The following CACNA2D4 variants were observed in gnomAD, a reference collection of about 807,000 sequenced individuals.
The protein encoded by CACNA2D4 is calcium voltage-gated channel auxiliary subunit alpha2delta 4, also known as voltage-dependent calcium channel subunit alpha-2/delta-4.
In CACNA2D4, 157 loss-of-function variants were observed where a neutral mutation model predicts 163.8. The ratio of observed to expected loss-of-function variants is 0.96; its 90% CI spans 0.84 to 1.09. CACNA2D4 has a LOEUF of 1.09. CACNA2D4 is among the 50% of genes least tolerant of loss of function. The pLI, the probability that CACNA2D4 is intolerant of heterozygous loss-of-function variation, is 0.00. For missense variants in CACNA2D4, 1,410 were observed against 1,479.9 expected, an observed-to-expected ratio of 0.95 and a Z score of 0.78; for synonymous variants, 598 against 586.9, an observed-to-expected ratio of 1.02 and a Z score of -0.27.
intron 6 of CACNA2D4, among the ~76,000 whole-genome samples, chr12:1,891,857 G>A (rs1243988822): frequency 6.6e-6 from 1 of 151,886 alleles, no homozygotes; most frequent in Admixed American, 6.6e-5. Flanking sequence ...TCGAAGACAG[G>A]TCTTTTGAAA....
chr12:1,903,165 A>G (rs555471320), intron 6 of CACNA2D4, among the ~76,000 whole-genome samples: 1 of 152,104 alleles, frequency 6.6e-6, no homozygotes, highest in African/African-American at 2.4e-5. Context: ...TATTCATATG[A>G]AAAAGAATGA....
At chr12:1,870,465 C>T (rs558012181) in intron 18 of CACNA2D4, among the ~76,000 whole-genome samples, 3 of 151,652 alleles carry the variant, frequency 2.0e-5, no homozygotes, top group African/African-American at 7.3e-5. Flanking sequence ...AACCTTGCAG[C>T]CTTCTGCTTG....
intron 26 of CACNA2D4, among the ~76,000 whole-genome samples, chr12:1,821,780 C>T (rs1335914615): frequency 6.6e-6 from 1 of 152,146 alleles, no homozygotes; most frequent in Non-Finnish European, 1.5e-5. Context: ...GTTCACATTC[C>T]TGCACCTCCC....
chr12:1,894,556 T>C (rs1425613034), intron 6 of CACNA2D4, among the ~76,000 whole-genome samples: 2 of 152,166 alleles, frequency 1.3e-5, no homozygotes, highest in Non-Finnish European at 2.9e-5. Context: ...CAAGTGGGAT[T>C]TATACTAGGG....
chr12:1,856,173 TC>T lies in CACNA2D4; in HGVS notation c.2054+10del. 1 of 1,613,964 alleles carries T rather than the reference TC, an allele frequency of 6.2e-7. No individual in the cohort carries two copies. Among genetic ancestry groups the T allele is most frequent in the East Asian group, 2.2e-5 (1 of 44,882 alleles). On this transcript the variant is annotated intron_variant, in intron 21 of 37. Coordinates refer to ENST00000382722, the MANE Select transcript of CACNA2D4 (RefSeq NM_172364.5). ...CACCTGTCTCCCTCCCATTTTTTAC[TC>T]CTCACTTACCAGTCACCGGCCAGGG...
chr12:1,839,931 C>T lies in CACNA2D4; in HGVS notation c.2551+808G>A, dbSNP rs182011258. ...GCTAGTTGGGTTGCTTTGAGCCAAACGTTCTGAGCCTATGGTCCTCATTTA... is the reference window on the plus strand; with the variant it reads ...GCTAGTTGGGTTGCTTTGAGCCAAATGTTCTGAGCCTATGGTCCTCATTTA... On this transcript the variant is annotated intron_variant, in intron 26 of 37. Coordinates refer to ENST00000382722, the MANE Select transcript of CACNA2D4 (RefSeq NM_172364.5). Among the ~76,000 whole-genome samples the T allele has an allele frequency of 1.9e-4, 29 of 152,312 alleles. No individual in the cohort carries two copies. The East Asian group carries it at 1.9e-3, about 10-fold the overall frequency.
chr12:1,853,950 C>T lies in CACNA2D4; in HGVS notation c.2246+1G>A, dbSNP rs754511401. The T allele has an allele frequency of 6.2e-7, 1 of 1,612,276 alleles. No individual in the cohort carries two copies. The highest frequency in any genetic ancestry group is 8.5e-7 in the Non-Finnish European group (1 of 1,178,830). ...CTGGGAACCTGGGAACCTGGACCTACTCGGACATGTTGAGGGCCAGCGCTG... is the reference window on the plus strand; with the variant it reads ...CTGGGAACCTGGGAACCTGGACCTATTCGGACATGTTGAGGGCCAGCGCTG... On this transcript the variant is annotated splice_donor_variant, in intron 23 of 37. Coordinates refer to ENST00000382722, the MANE Select transcript of CACNA2D4 (RefSeq NM_172364.5). LOFTEE classifies it high-confidence loss of function.
intron 20 of CACNA2D4, among the ~76,000 whole-genome samples, chr12:1,858,207 T>A (rs539658493): frequency 1.3e-5 from 2 of 152,334 alleles, no homozygotes; most frequent in Admixed American, 1.3e-4. Context: ...GCTTCCCTCC[T>A]CTTTCTGGCC....
At chr12:1,891,580 C>T (rs140655370) in intron 6 of CACNA2D4, among the ~76,000 whole-genome samples, 6 of 151,314 alleles carry the variant, frequency 4.0e-5, no homozygotes, top group African/African-American at 1.5e-4. Context: ...GCAACAGATT[C>T]CAATAAAAAA....
intron 4 of CACNA2D4, among the ~76,000 whole-genome samples, chr12:1,908,410 G>A (rs78723906): frequency 0.079 from 12,061 of 152,224 alleles, 588 homozygotes; most frequent in Non-Finnish European, 0.099. Context: ...GGCCAGGAAG[G>A]TCCCAGAGCC....
At position 1,875,153 on chromosome 12, in the gene CACNA2D4, G is replaced by T; in HGVS notation, c.1806+98C>A. 1.2e-6 allele frequency: 1 copy of T among 845,312 alleles called. No individual in the cohort carries two copies. The highest frequency in any genetic ancestry group is 2.0e-6 in the Non-Finnish European group (1 of 491,900). The allele number at this position is 845,312 out of a possible 1,614,324, so 52.4% of individuals were successfully genotyped here. A position where few individuals can be genotyped will look rare whatever the true frequency, so the allele number is the denominator to read the frequency against. ...TGGGATGAACCTGTTCTGCCTGACA[G>T]GAACAGAGTGACCTCAAAGCTCACA... On this transcript the variant is annotated intron_variant, in intron 17 of 37. Coordinates refer to ENST00000382722, the MANE Select transcript of CACNA2D4 (RefSeq NM_172364.5). The surrounding 1 kb of genome is among the most constrained non-coding windows in gnomAD (Gnocchi z 4.0).
intron 27 of CACNA2D4, 149 bp downstream of exon 27, chr12:1,811,513 G>A (rs999597025): frequency 3.7e-6 from 3 of 807,648 alleles, no homozygotes; most frequent in East Asian, 2.7e-5. Context: ...CTGCAGGCTG[G>A]GGAGCTGAGG....
chr12:1,901,324 A>G (rs894027829), intron 6 of CACNA2D4, among the ~76,000 whole-genome samples: 1 of 152,122 alleles, frequency 6.6e-6, no homozygotes. Flanking sequence ...AAAAGTTAGT[A>G]GAAGAAAAGA....
In CACNA2D4 at chr12:1,854,071, G is replaced by A. The variant is rs755728871; in HGVS notation, c.2153-27C>T. Reference sequence around the variant, plus strand: ...TGGGTGCAAAACATCAGGGAACCAGGCCACATGCTTCCTCCATGCTCATGA... The same window carrying A: ...TGGGTGCAAAACATCAGGGAACCAGACCACATGCTTCCTCCATGCTCATGA... On this transcript the variant is annotated intron_variant, in intron 22 of 37. Transcript: ENST00000382722. 38 of 1,546,496 alleles carry A rather than the reference G, an allele frequency of 2.5e-5. No individual in the cohort carries two copies. In the Admixed American group the frequency reaches 4.4e-4, roughly 18 times the overall value.
intron 26 of CACNA2D4, among the ~76,000 whole-genome samples, chr12:1,830,373 GT>G (rs1165095650): frequency 2.6e-5 from 4 of 152,232 alleles, no homozygotes; most frequent in African/African-American, 9.7e-5. Context: ...AGGGCTAGGA[GT>G]GCTGTTTTGT....
Position 1,880,554 on chromosome 12 carries a change from G to A in CACNA2D4, c.1486-673C>T, listed in dbSNP as rs78061729. The stretch of plus-strand genomic sequence containing the variant: ...GCCACTTGAAAGGGGCTCTGCATGT[G>A]TGCCCCACTTTATAACAAAAGTAGG... On this transcript the variant is annotated intron_variant, in intron 13 of 37. Coordinates refer to ENST00000382722, the MANE Select transcript of CACNA2D4 (RefSeq NM_172364.5). 3.8e-3 allele frequency among the ~76,000 whole-genome samples: 582 copies of A among 152,372 alleles called. 1 individual carries two copies. The highest frequency in any genetic ancestry group is 6.7e-3 in the Non-Finnish European group (455 of 68,036).
chr12:1,905,051 G>C lies in CACNA2D4; in HGVS notation c.781+2389C>G, dbSNP rs532003539. On this transcript the variant is annotated intron_variant, in intron 6 of 37. Transcript: ENST00000382722. ...AATAGGACTTATTCCTGGAATGCAA[G>C]GATGGTTCAACATATGAAAATTGAT... Among the ~76,000 whole-genome samples, 5 of 152,112 alleles carry C rather than the reference G, an allele frequency of 3.3e-5. No individual in the cohort carries two copies. In the South Asian group the frequency reaches 1.0e-3, roughly 32 times the overall value.
At chr12:1,803,429 G>A (rs186955628) in intron 29 of CACNA2D4, among the ~76,000 whole-genome samples, 14 of 152,292 alleles carry the variant, frequency 9.2e-5, no homozygotes, top group African/African-American at 2.9e-4. Flanking sequence ...CCCCAGATGC[G>A]CCCACACCAG....
At chr12:1,888,918 G>A (rs1866215569) in intron 6 of CACNA2D4, among the ~76,000 whole-genome samples, 1 of 152,142 alleles carries the variant, frequency 6.6e-6, no homozygotes, top group South Asian at 2.1e-4. Flanking sequence ...TCCACATATA[G>A]ACACATAGTA....
Sources: allele counts gnomAD v4.1 joint callset (sites outside exome capture counted in the v4.1 genomes callset), GRCh38; gene constraint gnomAD v4.1.1; non-coding constraint Gnocchi (gnomAD v3.1); transcripts MANE v1.5; gene names NCBI Gene and HGNC (gene_info 2026-07-23, HGNC 2026-07-21).